The following TMEM132C variants were observed in gnomAD, a reference collection of about 807,000 sequenced individuals.
TMEM132C encodes the protein transmembrane protein 132C, also known as protein phosphatase 1, regulatory subunit 152.
TMEM132C carries 29 observed loss-of-function variants against 61.4 expected under a neutral mutation model. That is an observed-to-expected ratio of 0.47 (90% CI 0.35 to 0.64). TMEM132C has a LOEUF of 0.64. Among genes scored for constraint, TMEM132C ranks in the 30% least tolerant of loss-of-function variants. The pLI, the probability that TMEM132C is intolerant of heterozygous loss-of-function variation, is 0.00. For missense variants in TMEM132C, 1,408 were observed against 1,476.9 expected, an observed-to-expected ratio of 0.95 and a Z score of 0.76; for synonymous variants, 656 against 633.1, an observed-to-expected ratio of 1.04 and a Z score of -0.54.
chr12:128,658,730 C>T (rs1954355974), intron 4 of TMEM132C, among the ~76,000 whole-genome samples: 2 of 152,298 alleles, frequency 1.3e-5, no homozygotes, highest in Admixed American at 1.3e-4. Flanking sequence ...ATAAAGTTCT[C>T]CCCAATTCAA....
intron 2 of TMEM132C, among the ~76,000 whole-genome samples, chr12:128,495,774 G>A (rs1397255321): frequency 6.6e-6 from 1 of 152,010 alleles, no homozygotes; most frequent in African/African-American, 2.4e-5. Context: ...GATGGGTCTT[G>A]ACTCTTTATC....
At chr12:128,302,875 C>A (rs1254416253) in intron 1 of TMEM132C, among the ~76,000 whole-genome samples, 2 of 152,200 alleles carry the variant, frequency 1.3e-5, no homozygotes, top group African/African-American at 2.4e-5. Context: ...TTTAAACCAT[C>A]ATTTGCAGAT....
intron 3 of TMEM132C, among the ~76,000 whole-genome samples, chr12:128,567,011 G>A (rs1874725981): frequency 6.6e-6 from 1 of 152,020 alleles, no homozygotes. Flanking sequence ...GATGTTTCAG[G>A]GATCCTCACT....
intron 2 of TMEM132C, among the ~76,000 whole-genome samples, chr12:128,531,850 C>T (rs936944857): frequency 2.0e-5 from 3 of 152,140 alleles, no homozygotes; most frequent in African/African-American, 7.2e-5. Context: ...ACCCCACTGG[C>T]AGGTCACCTG....
At chr12:128,538,958 C>T (rs1314542452) in intron 2 of TMEM132C, among the ~76,000 whole-genome samples, 1 of 152,146 alleles carries the variant, frequency 6.6e-6, no homozygotes, top group Non-Finnish European at 1.5e-5. Flanking sequence ...TTCTTATCTT[C>T]AGGATTAAAA....
At chr12:128,477,102 A>C (rs1871176176) in intron 2 of TMEM132C, among the ~76,000 whole-genome samples, 1 of 152,180 alleles carries the variant, frequency 6.6e-6, no homozygotes, top group Non-Finnish European at 1.5e-5. Flanking sequence ...AGTGGCCTAA[A>C]ACAACATTCA....
At chr12:128,390,335 G>T (rs1436691118) in intron 1 of TMEM132C, among the ~76,000 whole-genome samples, 2 of 152,204 alleles carry the variant, frequency 1.3e-5, no homozygotes, top group Non-Finnish European at 2.9e-5. Flanking sequence ...GGCAGCTCCG[G>T]AGGCAAATGC....
chr12:128,372,100 G>A (rs1874043778), intron 1 of TMEM132C, among the ~76,000 whole-genome samples: 3 of 152,098 alleles, frequency 2.0e-5, no homozygotes, highest in Admixed American at 2.0e-4. Context: ...AATAAACTTT[G>A]CTTCTCTCAA....
intron 3 of TMEM132C, among the ~76,000 whole-genome samples, chr12:128,572,737 T>C (rs1485099599): frequency 6.6e-6 from 1 of 152,116 alleles, no homozygotes; most frequent in Non-Finnish European, 1.5e-5. Flanking sequence ...GGCCTCTAAC[T>C]GGCTGGGCCT....
chr12:128,562,102 C>T (rs1874542860), intron 3 of TMEM132C, among the ~76,000 whole-genome samples: 1 of 152,192 alleles, frequency 6.6e-6, no homozygotes, highest in East Asian at 1.9e-4. Flanking sequence ...AAACTACAGC[C>T]TCCGCAAAAC....
At chr12:128,269,001 A>AG (rs1346102686) in intron 1 of TMEM132C, among the ~76,000 whole-genome samples, 3 of 71,160 alleles carry the variant, frequency 4.2e-5, no homozygotes, top group South Asian at 6.3e-4. Flanking sequence ...GGAGTAGGAG[A>AG]GGGGGGCACT....
chr12:128,359,336 A>T (rs1018410119), intron 1 of TMEM132C, among the ~76,000 whole-genome samples: 2 of 152,188 alleles, frequency 1.3e-5, no homozygotes, highest in Non-Finnish European at 2.9e-5. Context: ...GAGCATGTGC[A>T]GGGGAACTCT....
intron 2 of TMEM132C, among the ~76,000 whole-genome samples, chr12:128,444,413 G>A (rs1869902524): frequency 6.6e-6 from 1 of 152,214 alleles, no homozygotes; most frequent in South Asian, 2.1e-4. Context: ...GATGGAGCAA[G>A]GGTCTGCGTC....
At chr12:128,652,399 G>A (rs1005384400) in intron 4 of TMEM132C, among the ~76,000 whole-genome samples, 9 of 152,206 alleles carry the variant, frequency 5.9e-5, no homozygotes, top group African/African-American at 1.9e-4. Flanking sequence ...TGGAAGAGAC[G>A]CAGGACCCAA....
At chr12:128,616,780 G>A (rs1876815585) in intron 4 of TMEM132C, among the ~76,000 whole-genome samples, 1 of 152,136 alleles carries the variant, frequency 6.6e-6, no homozygotes, top group African/African-American at 2.4e-5. Context: ...GCTGTCACTG[G>A]GCTGTGAGGT....
chr12:128,300,349 C>T (rs1871554894), intron 1 of TMEM132C, among the ~76,000 whole-genome samples: 2 of 152,184 alleles, frequency 1.3e-5, no homozygotes, highest in Non-Finnish European at 2.9e-5. Flanking sequence ...AACTTATCTC[C>T]TTGAGCCTGG....
Position 128,370,272 on chromosome 12 carries a change from A to G in TMEM132C, c.86-44460A>G, listed in dbSNP as rs369521763. The stretch of plus-strand genomic sequence containing the variant: ...GGGGCTGCCTGGTTTCCTCTGAGCA[A>G]CAGTCATAGGTGTGTTAGACTATTG... On this transcript the variant is annotated intron_variant, in intron 1 of 8. Transcript: ENST00000435159. 9.0e-4 allele frequency among the ~76,000 whole-genome samples: 137 copies of G among 152,278 alleles called. 1 individual carries two copies. Among genetic ancestry groups the G allele is most frequent in the African/African-American group, 3.2e-3 (131 of 41,570 alleles).
intron 3 of TMEM132C, among the ~76,000 whole-genome samples, chr12:128,614,222 T>G (rs553587290): frequency 6.6e-6 from 1 of 152,356 alleles, no homozygotes; most frequent in South Asian, 2.1e-4. Context: ...TAGCCAATAC[T>G]GGCAAAAGTT....
intron 2 of TMEM132C, among the ~76,000 whole-genome samples, chr12:128,424,800 T>C (rs7978430): frequency 0.076 from 11,629 of 152,276 alleles, 1,002 homozygotes; most frequent in African/African-American, 0.2. Context: ...ACGTTGAACA[T>C]TGAGCCAATT....
Sources: gnomAD v4.1 joint callset for allele counts (sites outside exome capture counted in the v4.1 genomes callset) on GRCh38, gnomAD v4.1.1 for gene constraint, MANE v1.5 for transcripts, NCBI Gene and HGNC (gene_info 2026-07-23, HGNC 2026-07-21) for gene names.